The following SOX6 variants were observed in gnomAD, a reference collection of about 807,000 sequenced individuals.
The protein encoded by SOX6 is SRY-box transcription factor 6, also known as transcription factor SOX-6.
In SOX6, 11 loss-of-function variants were observed where a neutral mutation model predicts 97.8. The observed-to-expected ratio is 0.11, with a 90% CI of 0.07 to 0.19. SOX6 has a LOEUF of 0.19. SOX6 is among the 10% of genes least tolerant of loss of function. The pLI, the probability that SOX6 is intolerant of heterozygous loss-of-function variation, is 1.00. For synonymous variants in SOX6, 360 were observed against 371.4 expected (o/e 0.97, Z 0.35); for missense variants, 810 against 1,039.5 (o/e 0.78, Z 3.04).
chr11:16,570,675 ATTAG>A (rs893653744), intron 4 of SOX6, among the ~76,000 whole-genome samples: 3 of 152,328 alleles, frequency 2.0e-5, no homozygotes, highest in Non-Finnish European at 2.9e-5. Context: ...AACTGTTCAA[ATTAG>A]TTAAAGTACT....
chr11:16,097,519 CA>C (rs777461090), intron 8 of SOX6, 89 bp downstream of exon 8: 42 of 1,105,158 alleles, frequency 3.8e-5, no homozygotes, highest in Non-Finnish European at 4.9e-5. Flanking sequence ...AATTATTTAA[CA>C]TTCAGGCCAT....
At chr11:16,693,036 A>T (rs111317985) in intron 3 of SOX6, among the ~76,000 whole-genome samples, 1,805 of 152,242 alleles carry the variant, frequency 0.012, 35 homozygotes, top group African/African-American at 0.041. Flanking sequence ...TTCATTTTCC[A>T]TTCCCATTAA....
At chr11:16,116,782 T>C (rs2134001381) in intron 6 of SOX6, among the ~76,000 whole-genome samples, 1 of 151,956 alleles carries the variant, frequency 6.6e-6, no homozygotes, top group African/African-American at 2.4e-5. Context: ...CAAGCAAGTA[T>C]TACCGCCTGA....
chr11:16,177,643 CT>C (rs1851233167), intron 6 of SOX6, among the ~76,000 whole-genome samples: 1 of 151,530 alleles, frequency 6.6e-6, no homozygotes, highest in Non-Finnish European at 1.5e-5. Context: ...CTCTCTCTCT[CT>C]CTCTCATTCT....
intron 4 of SOX6, among the ~76,000 whole-genome samples, chr11:16,540,399 G>C (rs1344561389): frequency 1.3e-5 from 2 of 151,974 alleles, no homozygotes; most frequent in African/African-American, 4.8e-5. Context: ...CATTCCCTTT[G>C]AAAACTGGCA....
intron 4 of SOX6, among the ~76,000 whole-genome samples, chr11:16,539,711 GA>G (rs1861372040): frequency 6.6e-6 from 1 of 152,138 alleles, no homozygotes; most frequent in Non-Finnish European, 1.5e-5. Flanking sequence ...AAATAAACTA[GA>G]AAATTTAGAA....
chr11:16,283,950 G>A, intron 3 of SOX6: 1 of 408,206 alleles, frequency 2.4e-6, no homozygotes, highest in Non-Finnish European at 4.8e-6. Context: ...CAAATTCAGA[G>A]TATAATTATG....
intron 8 of SOX6, 100 bp downstream of exon 8, chr11:16,097,509 A>G: frequency 9.5e-7 from 1 of 1,049,906 alleles, no homozygotes; most frequent in Non-Finnish European, 1.5e-6. Flanking sequence ...ATGCTTAAAA[A>G]ATTATTTAAC....
chr11:16,033,390 A>T (rs571295623), intron 12 of SOX6, among the ~76,000 whole-genome samples: 1 of 152,266 alleles, frequency 6.6e-6, no homozygotes, highest in Admixed American at 6.5e-5. Flanking sequence ...CATGTTGTTG[A>T]TCATTAATTA....
chr11:16,498,355 T>G (rs1439472867), intron 4 of SOX6, among the ~76,000 whole-genome samples: 1 of 152,104 alleles, frequency 6.6e-6, no homozygotes, highest in African/African-American at 2.4e-5. Flanking sequence ...TGCAAAAACA[T>G]GCCAAATTGT....
chr11:16,032,510 T>C (rs1855405146), intron 12 of SOX6, among the ~76,000 whole-genome samples: 1 of 152,188 alleles, frequency 6.6e-6, no homozygotes, highest in Non-Finnish European at 1.5e-5. Flanking sequence ...TGGGAGCAAC[T>C]TATTAGTTGC....
chr11:16,048,281 G>C (rs1847590673), intron 11 of SOX6, among the ~76,000 whole-genome samples: 1 of 152,052 alleles, frequency 6.6e-6, no homozygotes, highest in African/African-American at 2.4e-5. Flanking sequence ...CTTCTATATG[G>C]ATATCACTAA....
intron 6 of SOX6, among the ~76,000 whole-genome samples, chr11:16,161,993 G>A (rs961488987): frequency 6.6e-6 from 1 of 152,118 alleles, no homozygotes; most frequent in African/African-American, 2.4e-5. Context: ...TTAATGCAAG[G>A]ATTCTGTGCA....
chr11:16,023,732 T>C (rs979662569), intron 12 of SOX6, among the ~76,000 whole-genome samples: 2 of 152,084 alleles, frequency 1.3e-5, no homozygotes, highest in African/African-American at 4.8e-5. Flanking sequence ...AAAAGGCCAA[T>C]CTCTTATGAA....
chr11:16,323,260 T>G (rs1286163475), intron 2 of SOX6, among the ~76,000 whole-genome samples: 1 of 152,188 alleles, frequency 6.6e-6, no homozygotes, highest in Non-Finnish European at 1.5e-5. Flanking sequence ...TCAAAAATAG[T>G]TATTAGAAAA....
chr11:16,605,180 C>A lies in SOX6; in HGVS notation n.609+6901G>T, dbSNP rs937652710. Reference sequence around the variant, plus strand: ...CCGGCTGCAGAGGAACGGCGGGTGGCGGGGCCCCGGCAGGGCGCCGAGAAG... The same window carrying A: ...CCGGCTGCAGAGGAACGGCGGGTGGAGGGGCCCCGGCAGGGCGCCGAGAAG... On this transcript the variant is annotated intron_variant and non_coding_transcript_variant, in intron 4 of 5. Transcript: ENST00000524520. This position sits in a 1 kb window ranked among gnomAD's most constrained non-coding sequence, Gnocchi z 5.3. Among the ~76,000 whole-genome samples, 4 of 151,844 alleles carry A rather than the reference C, an allele frequency of 2.6e-5. No homozygotes were observed. Among genetic ancestry groups the A allele is most frequent in the African/African-American group, 9.7e-5 (4 of 41,384 alleles).
At chr11:16,615,284 C>A (rs1012289910) in intron 3 of SOX6, among the ~76,000 whole-genome samples, 1 of 152,214 alleles carries the variant, frequency 6.6e-6, no homozygotes, top group East Asian at 1.9e-4. Context: ...CAACCTCATA[C>A]AAGAACATTA....
At chr11:16,146,812 C>G (rs1387043914) in intron 6 of SOX6, among the ~76,000 whole-genome samples, 1 of 152,182 alleles carries the variant, frequency 6.6e-6, no homozygotes, top group Non-Finnish European at 1.5e-5. Flanking sequence ...GATACCATCT[C>G]ACACCAGTTA....
chr11:16,139,991 G>T (rs114709415), intron 6 of SOX6, among the ~76,000 whole-genome samples: 2 of 146,666 alleles, frequency 1.4e-5, no homozygotes, highest in Non-Finnish European at 3.0e-5. Flanking sequence ...TATGACATAC[G>T]GGAGATAGGA....
Sources: allele counts gnomAD v4.1 joint callset (sites outside exome capture counted in the v4.1 genomes callset), GRCh38; gene constraint gnomAD v4.1.1; non-coding constraint Gnocchi (gnomAD v3.1); transcripts MANE v1.5; gene names NCBI Gene and HGNC (gene_info 2026-07-23, HGNC 2026-07-21).